MIPOL1: variants seen among roughly 807,000 people sequenced by gnomAD.
MIPOL1 encodes the protein mirror-image polydactyly 1.
In MIPOL1, 57 loss-of-function variants were observed where a neutral mutation model predicts 60.9. The observed-to-expected ratio is 0.94, with a 90% CI of 0.76 to 1.17. The LOEUF (loss-of-function observed/expected upper bound fraction) is 1.17, where lower values mean the gene tolerates loss of function less well. Ranked by LOEUF, MIPOL1 falls within the 50% of genes most tolerant of loss-of-function variation. MIPOL1 has a pLI of 0.00. For missense variants in MIPOL1, 551 were observed against 511.6 expected (o/e 1.08, Z -0.74); for synonymous variants, 179 against 168.8 (o/e 1.06, Z -0.47).
At chr14:37,351,912 G>T (rs2091423744) in intron 9 of MIPOL1, among the ~76,000 whole-genome samples, 1 of 151,452 alleles carries the variant, frequency 6.6e-6, no homozygotes, top group African/African-American at 2.4e-5. Context: ...TCTTTAATTA[G>T]ATCCCATTTG....
chr14:37,292,410 T>G (rs1204894011), intron 7 of MIPOL1, among the ~76,000 whole-genome samples: 1 of 151,674 alleles, frequency 6.6e-6, no homozygotes, highest in African/African-American at 2.4e-5. Flanking sequence ...AAATAGGCAA[T>G]TTTGTCAAAA....
At chr14:37,209,550 C>A (rs975117485) in intron 1 of MIPOL1, among the ~76,000 whole-genome samples, 1 of 152,110 alleles carries the variant, frequency 6.6e-6, no homozygotes, top group African/African-American at 2.4e-5. Flanking sequence ...ATCCCAGCTA[C>A]TCAGTAGACT....
intron 9 of MIPOL1, among the ~76,000 whole-genome samples, chr14:37,351,057 CCT>C (rs200419733): frequency 0.6 from 49,191 of 82,490 alleles, 14,789 homozygotes; most frequent in Non-Finnish European, 0.63. Context: ...ATCCCTCCCC[CCT>C]CCCCCCACCC....
intron 10 of MIPOL1, among the ~76,000 whole-genome samples, chr14:37,409,773 A>C (rs1204994144): frequency 2.0e-5 from 3 of 152,196 alleles, no homozygotes; most frequent in African/African-American, 7.2e-5. Context: ...CGACAGAGCA[A>C]GACTCTGTCT....
chr14:37,544,824 A>G (rs1246603731), intron 12 of MIPOL1, among the ~76,000 whole-genome samples: 1 of 152,230 alleles, frequency 6.6e-6, no homozygotes, highest in Non-Finnish European at 1.5e-5. Context: ...GACATTGCAA[A>G]ACATGATATT....
intron 9 of MIPOL1, among the ~76,000 whole-genome samples, chr14:37,363,068 T>C (rs2153487658): frequency 6.6e-6 from 1 of 152,310 alleles, no homozygotes; most frequent in Non-Finnish European, 1.5e-5. Context: ...CTTCTTTAGC[T>C]TGGAGAAGTT....
intron 10 of MIPOL1, among the ~76,000 whole-genome samples, chr14:37,370,805 T>G (rs1423090170): frequency 1.3e-5 from 2 of 152,166 alleles, no homozygotes; most frequent in African/African-American, 2.4e-5. Context: ...TTATTTCTAA[T>G]TACCCCCAAG....
At chr14:37,220,902 A>G (rs1051906329) in intron 1 of MIPOL1, among the ~76,000 whole-genome samples, 3 of 152,262 alleles carry the variant, frequency 2.0e-5, no homozygotes, top group African/African-American at 7.2e-5. Flanking sequence ...CAGCCTCCTC[A>G]GTAGCTAGGA....
At chr14:37,218,373 A>T (rs976717833) in intron 1 of MIPOL1, among the ~76,000 whole-genome samples, 1 of 150,482 alleles carries the variant, frequency 6.6e-6, no homozygotes, top group Non-Finnish European at 1.5e-5. Flanking sequence ...TTTTTAATAG[A>T]GGTGGGGTTT....
intron 9 of MIPOL1, among the ~76,000 whole-genome samples, chr14:37,323,193 TG>T (rs2088795745): frequency 6.6e-6 from 1 of 152,158 alleles, no homozygotes; most frequent in African/African-American, 2.4e-5. Flanking sequence ...TTTCTGCATA[TG>T]GGTAGCCAGT....
At chr14:37,206,318 G>T (rs1308582115) in intron 1 of MIPOL1, among the ~76,000 whole-genome samples, 4 of 152,204 alleles carry the variant, frequency 2.6e-5, no homozygotes, top group Non-Finnish European at 5.9e-5. Flanking sequence ...CAGGCCCGAA[G>T]CCTTGGAAGC....
intron 11 of MIPOL1, among the ~76,000 whole-genome samples, chr14:37,441,864 C>A (rs1040688803): frequency 3.9e-5 from 6 of 152,034 alleles, no homozygotes; most frequent in African/African-American, 1.4e-4. Context: ...GTAGCATGGT[C>A]ATTTTAATAA....
intron 10 of MIPOL1, among the ~76,000 whole-genome samples, chr14:37,417,828 A>G (rs1040635973): frequency 6.6e-6 from 1 of 152,184 alleles, no homozygotes; most frequent in African/African-American, 2.4e-5. Flanking sequence ...AAATTATACC[A>G]TATTGAAATG....
chr14:37,268,566 C>A (rs1328222696), intron 4 of MIPOL1, 92 bp from the exon 5 acceptor site: 3 of 940,764 alleles, frequency 3.2e-6, no homozygotes, highest in Non-Finnish European at 4.7e-6. Flanking sequence ...ATGGTGTTTG[C>A]TTACAAGTTG....
chr14:37,424,937 A>G (rs550733856), intron 11 of MIPOL1, among the ~76,000 whole-genome samples: 3 of 152,318 alleles, frequency 2.0e-5, no homozygotes, highest in East Asian at 1.9e-4. Flanking sequence ...GCTCTCTAGA[A>G]AATTCCTTTA....
rs113726446 is a variant in MIPOL1 at position 37,526,582 on chromosome 14, C to T, written c.1263-20323C>T. 5.1e-4 allele frequency among the ~76,000 whole-genome samples: 76 copies of T among 150,188 alleles called. 1 individual carries two copies. Among genetic ancestry groups the T allele is most frequent in the African/African-American group, 1.8e-3 (75 of 40,944 alleles). On this transcript the variant is annotated intron_variant, in intron 12 of 12. Transcript: ENST00000684589. ...TTTTTTAGTAGAGACGGGGTTTCACCGTTTTAGCCAGGATGGTCTTGATCT... is the reference window on the plus strand; with the variant it reads ...TTTTTTAGTAGAGACGGGGTTTCACTGTTTTAGCCAGGATGGTCTTGATCT...
chr14:37,201,898 A>T (rs1268346325), intron 1 of MIPOL1, among the ~76,000 whole-genome samples: 1 of 152,162 alleles, frequency 6.6e-6, no homozygotes, highest in African/African-American at 2.4e-5. Context: ...ACAGTGGTGC[A>T]ATCATAGCTC....
chr14:37,287,708 G>A (rs528721510), intron 7 of MIPOL1, among the ~76,000 whole-genome samples: 6 of 152,014 alleles, frequency 3.9e-5, no homozygotes, highest in East Asian at 3.9e-4. Context: ...TTTTCTAAAA[G>A]CTCTTCTAAT....
At chr14:37,440,134 A>C (rs1326163112) in intron 11 of MIPOL1, among the ~76,000 whole-genome samples, 1 of 152,208 alleles carries the variant, frequency 6.6e-6, no homozygotes, top group Non-Finnish European at 1.5e-5. Flanking sequence ...GGCATGAGCC[A>C]CTACACCTGG....
Sources: gnomAD v4.1 joint callset for allele counts (sites outside exome capture counted in the v4.1 genomes callset) on GRCh38, gnomAD v4.1.1 for gene constraint, MANE v1.5 for transcripts, NCBI Gene and HGNC (gene_info 2026-07-23, HGNC 2026-07-21) for gene names.